The following FLVCR1 variants were observed in gnomAD, a reference collection of about 807,000 sequenced individuals.
FLVCR1 encodes the protein choline/ethanolamine transporter FLVCR1.
A neutral mutation model predicts 53.6 loss-of-function variants in FLVCR1; 34 were observed. That is an observed-to-expected ratio of 0.63 (90% confidence interval 0.48 to 0.84). The LOEUF (loss-of-function observed/expected upper bound fraction) is 0.84, where lower values mean the gene tolerates loss of function less well. FLVCR1 is among the 40% of genes least tolerant of loss of function. The pLI, the probability that FLVCR1 is intolerant of heterozygous loss-of-function variation, is 0.00. For missense variants in FLVCR1, 677 were observed against 696.7 expected (o/e 0.97, Z 0.32); for synonymous variants, 300 against 286.3 (o/e 1.05, Z -0.48).
intron 8 of FLVCR1, among the ~76,000 whole-genome samples, chr1:212,894,616 A>G (rs1481954346): frequency 6.6e-6 from 1 of 151,862 alleles, no homozygotes; most frequent in Non-Finnish European, 1.5e-5. Context: ...AGCCTTCTCT[A>G]ATTTCCTTTG....
intron 8 of FLVCR1, among the ~76,000 whole-genome samples, chr1:212,892,614 T>A (rs1665220623): frequency 6.6e-6 from 1 of 152,218 alleles, no homozygotes; most frequent in South Asian, 2.1e-4. Flanking sequence ...CTGATGAAGA[T>A]GTACGAGGAG....
chr1:212,893,976 A>G (rs1001696754), intron 8 of FLVCR1, among the ~76,000 whole-genome samples: 2 of 151,874 alleles, frequency 1.3e-5, no homozygotes, highest in African/African-American at 2.4e-5. Context: ...GGGTTTCACT[A>G]TGTTGGCTAG....
intron 3 of FLVCR1, among the ~76,000 whole-genome samples, chr1:212,880,758 T>G (rs1052477480): frequency 1.3e-5 from 2 of 151,248 alleles, no homozygotes; most frequent in Non-Finnish European, 2.9e-5. Context: ...AAACTGCTAT[T>G]TCACTCCATC....
chr1:212,877,340 G>C (rs900770121), intron 3 of FLVCR1, among the ~76,000 whole-genome samples: 1 of 151,798 alleles, frequency 6.6e-6, no homozygotes, highest in Non-Finnish European at 1.5e-5. Flanking sequence ...TCCCTCCCGA[G>C]TAGCTGGGAC....
At chr1:212,862,153 C>T (rs1664262911) in intron 1 of FLVCR1, among the ~76,000 whole-genome samples, 1 of 144,170 alleles carries the variant, frequency 6.9e-6, no homozygotes, top group Non-Finnish European at 1.5e-5. Flanking sequence ...TGATATTTAG[C>T]CATATTTTTT....
chr1:212,889,081 A>G (rs992463277), intron 7 of FLVCR1, 65 bp from the exon 8 acceptor site: 38 of 1,185,168 alleles, frequency 3.2e-5, no homozygotes, highest in Non-Finnish European at 4.1e-5. Context: ...AGTTCTGGTG[A>G]AAACTTTATA....
chr1:212,867,613 A>C (rs970408092), intron 2 of FLVCR1, among the ~76,000 whole-genome samples: 1 of 152,180 alleles, frequency 6.6e-6, no homozygotes, highest in Non-Finnish European at 1.5e-5. Flanking sequence ...CATAAGTGGT[A>C]ATGCTGTTGT....
At chr1:212,861,954 G>A (rs1011051561) in intron 1 of FLVCR1, among the ~76,000 whole-genome samples, 1 of 152,124 alleles carries the variant, frequency 6.6e-6, no homozygotes, top group African/African-American at 2.4e-5. Context: ...ACAGGTGTGA[G>A]CCACCGCGCC....
At chr1:212,859,565 G>A (rs6540768) in intron 1 of FLVCR1, among the ~76,000 whole-genome samples, 104,574 of 151,808 alleles carry the variant, frequency 0.69, 37,573 homozygotes, top group East Asian at 1. Flanking sequence ...TAAAAATACA[G>A]AAATTAGCCA....
At chr1:212,871,578 A>G (rs1352614028) in intron 2 of FLVCR1, among the ~76,000 whole-genome samples, 1 of 152,052 alleles carries the variant, frequency 6.6e-6, no homozygotes, top group African/African-American at 2.4e-5. Context: ...TGCCATGCAT[A>G]GCTAGTTTAA....
intron 1 of FLVCR1, among the ~76,000 whole-genome samples, chr1:212,861,172 C>A (rs781768811): frequency 3.1e-4 from 47 of 152,212 alleles, no homozygotes; most frequent in Non-Finnish European, 5.3e-4. Flanking sequence ...GTATGCACAA[C>A]CCCTGTCCCC....
In FLVCR1 at chr1:212,885,275, T is replaced by TA; in HGVS notation, c.1093-17dup. On this transcript the variant is annotated splice_polypyrimidine_tract_variant and intron_variant, in intron 4 of 9. Coordinates refer to ENST00000366971, the MANE Select transcript of FLVCR1 (RefSeq NM_014053.4). The stretch of plus-strand genomic sequence containing the variant: ...TAATCCATTTATTTGATCAACTTCT[T>TA]ACGCAAATTTTTTTCAGGGAGAAGA... The TA allele has an allele frequency of 6.3e-7, 1 of 1,575,836 alleles. No individual in the cohort carries two copies. Among genetic ancestry groups the TA allele is most frequent in the Non-Finnish European group, 8.7e-7 (1 of 1,145,122 alleles).
At chr1:212,893,573 T>C (rs1665255143) in intron 8 of FLVCR1, among the ~76,000 whole-genome samples, 1 of 152,062 alleles carries the variant, frequency 6.6e-6, no homozygotes. Context: ...AGATCTTTCA[T>C]GAAAGGAAGA....
intron 4 of FLVCR1, among the ~76,000 whole-genome samples, chr1:212,884,578 G>A (rs765744389): frequency 3.3e-5 from 5 of 152,194 alleles, no homozygotes; most frequent in African/African-American, 7.2e-5. Context: ...TTTGATTGAC[G>A]TATCTGCTTT....
intron 2 of FLVCR1, 60 bp downstream of exon 2, chr1:212,863,929 T>A: frequency 7.0e-7 from 1 of 1,428,604 alleles, no homozygotes; most frequent in Non-Finnish European, 9.8e-7. Flanking sequence ...TGAGAATAAC[T>A]AACTCTGGAA....
chr1:212,884,247 C>T (rs567437787), intron 4 of FLVCR1, among the ~76,000 whole-genome samples: 4 of 151,738 alleles, frequency 2.6e-5, no homozygotes, highest in Non-Finnish European at 5.9e-5. Flanking sequence ...GGCGGTGAGC[C>T]GAGATCGTGC....
In FLVCR1 at chr1:212,863,650, T is replaced by G. The variant is rs914264102; in HGVS notation, c.739-75T>G. ...CTTTATAAACACTAGCTGTCCTCTT[T>G]ATGTTCTGTTAATTGCCAGCATTTA... On this transcript the variant is annotated intron_variant, in intron 1 of 9. Transcript: ENST00000366971. The G allele has an allele frequency of 2.3e-6, 3 of 1,301,708 alleles. No individual in the cohort carries two copies. In the African/African-American group the frequency reaches 4.3e-5, roughly 19 times the overall value. 80.6% of individuals were successfully genotyped at this position (1,301,708 alleles called of 1,614,324 possible). A position where few individuals can be genotyped will look rare whatever the true frequency, so the allele number is the denominator to read the frequency against.
chr1:212,899,164 G>T lies in FLVCR1; in HGVS notation c.*3874G>T, dbSNP rs1054182203. The T allele has an allele frequency of 3.9e-5, 6 of 152,200 alleles. No individual in the cohort carries two copies. Among genetic ancestry groups the T allele is most frequent in the African/African-American group, 1.4e-4 (6 of 41,450 alleles). The allele number at this position is 152,200 out of a possible 1,614,324, so 9.4% of individuals were successfully genotyped here. ...ATTTATTACAAATGTCACAAATACA[G>T]CTCTTGCCTTTTGAGAATGTTGGAG... On this transcript the variant is annotated 3_prime_UTR_variant, in exon 10 of 10. Transcript: ENST00000366971.
rs1664132599 is a variant in FLVCR1 at position 212,859,016 on chromosome 1, C to G, written c.564C>G (p.Ala188=). Residue 188 remains alanine (A), a synonymous_variant, in exon 1 of 10, where the codon GCC becomes GCG. Transcript: ENST00000366971. The stretch of plus-strand genomic sequence containing the variant: ...GCTCCGGCCTCAACTGCCTGGGTGC[C>G]TGGATCAAGTGCGGCAGTGTGCAGC... ...LLGSGLNCLG[A]WIKCGSVQQH... The G allele has an allele frequency of 3.7e-6, 6 of 1,612,472 alleles. No individual in the cohort carries two copies. Among genetic ancestry groups the G allele is most frequent in the Non-Finnish European group, 5.1e-6 (6 of 1,178,680 alleles).
Sources: allele counts gnomAD v4.1 joint callset (sites outside exome capture counted in the v4.1 genomes callset), GRCh38; gene constraint gnomAD v4.1.1; transcripts MANE v1.5; gene names NCBI Gene and HGNC (gene_info 2026-07-23, HGNC 2026-07-21).